LY6G5B: variants seen among roughly 807,000 people sequenced by gnomAD.
LY6G5B encodes lymphocyte antigen 6 complex locus protein G5b.
LY6G5B carries 6 observed loss-of-function variants against 6.7 expected under a neutral mutation model. That is an observed-to-expected ratio of 0.89 (90% CI 0.49 to 1.76). LY6G5B has a LOEUF of 1.76. LY6G5B is among the 40% of genes most tolerant of loss of function. The probability of loss-of-function intolerance (pLI) is 0.01; values close to 1 mark genes in which losing one functional copy is unlikely to be tolerated. For synonymous variants in LY6G5B, 98 were observed against 99.4 expected (o/e 0.99, Z 0.09); for missense variants, 240 against 249.5 (o/e 0.96, Z 0.26).
exon 1 of LY6G5B, chr6:31,670,699 C>A (rs1802145446): frequency 1.9e-6 from 1 of 523,536 alleles, no homozygotes; most frequent in Non-Finnish European, 3.4e-6. Context: ...GGTATTACCC[C>A]ATCTGGGCCA....
At chr6:31,670,801 C>G (rs1802152232) in exon 1 of LY6G5B, 2 of 768,670 alleles carry the variant, frequency 2.6e-6, no homozygotes, top group East Asian at 5.2e-5. Context: ...GGATCCTGCC[C>G]CAAGTAGGAA....
chr6:31,672,500 A>C, exon 3 of LY6G5B: 1 of 614,050 alleles, frequency 1.6e-6, no homozygotes, highest in Admixed American at 3.1e-5. Flanking sequence ...GGTGGAGTGC[A>C]GTGGCATGAT....
At chr6:31,672,878 T>G (rs1249711338) in exon 3 of LY6G5B, 1 of 154,894 alleles carries the variant, frequency 6.5e-6, no homozygotes, top group African/African-American at 2.4e-5. Context: ...CCCCCATCCC[T>G]CTCAATCCAG....
chr6:31,672,209 T>C (rs777019606), exon 3 of LY6G5B: 42 of 1,613,128 alleles, frequency 2.6e-5, no homozygotes, highest in Admixed American at 1.0e-4. Flanking sequence ...CTGCGCCGCA[T>C]GTACTTGTTC....
rs982164849 is a variant in LY6G5B at position 31,672,297 on chromosome 6, A to G, written c.*15A>G. ...ACCCTTCCTGAATTCCACAGTGCAA[A>G]TATCTTTCTGTAACACCCTCAGCAT... is the stretch of plus-strand genomic sequence containing the variant. On this transcript the variant is annotated 3_prime_UTR_variant, in exon 3 of 3. Coordinates refer to ENST00000375864, the Ensembl canonical transcript of LY6G5B. 3 of 1,602,928 alleles carry G rather than the reference A, an allele frequency of 1.9e-6. 1 individual carries two copies. The highest frequency in any genetic ancestry group is 2.2e-5 in the South Asian group (2 of 90,020).
At chr6:31,671,323 C>A in intron 2 of LY6G5B, 39 bp downstream of exon 2, 1 of 1,611,530 alleles carries the variant, frequency 6.2e-7, no homozygotes, top group Non-Finnish European at 8.5e-7. Context: ...GGTGGGGCAG[C>A]CAATGGCTTG....
At chr6:31,671,560 C>T (rs564429755) in intron 2 of LY6G5B, among the ~76,000 whole-genome samples, 2 of 151,920 alleles carry the variant, frequency 1.3e-5, no homozygotes, top group African/African-American at 2.4e-5. Context: ...CCCAGCTACT[C>T]GGGAGGCTGA....
chr6:31,671,331 T>C, intron 2 of LY6G5B, 47 bp downstream of exon 2: 1 of 1,610,810 alleles, frequency 6.2e-7, no homozygotes, highest in South Asian at 1.1e-5. Flanking sequence ...AGCCAATGGC[T>C]TGGTCTTCTC....
intron 2 of LY6G5B, 30 bp downstream of exon 2, chr6:31,671,314 G>T: frequency 6.2e-7 from 1 of 1,612,340 alleles, no homozygotes. Flanking sequence ...GGGGCTGCTG[G>T]TGGGGCAGCC....
At chr6:31,672,715 A>G (rs1418758509) in exon 3 of LY6G5B, 4 of 177,364 alleles carry the variant, frequency 2.3e-5, no homozygotes, top group Non-Finnish European at 3.6e-5. Flanking sequence ...AAGTGCCGGG[A>G]TTACAGGTGT....
Position 31,671,743 on chromosome 6 carries a change from T to C in LY6G5B, c.188-121T>C, listed in dbSNP as rs953759895. The C allele has an allele frequency of 3.3e-6, 4 of 1,229,558 alleles. No individual in the cohort carries two copies. The African/African-American group carries it at 6.0e-5, about 19-fold the overall frequency. The allele number at this position is 1,229,558 out of a possible 1,614,324, so 76.2% of individuals were successfully genotyped here. A position where few individuals can be genotyped will look rare whatever the true frequency, so the allele number is the denominator to read the frequency against. On this transcript the variant is annotated intron_variant, in intron 2 of 2. Coordinates refer to ENST00000375864, the Ensembl canonical transcript of LY6G5B. ...AGCAGAGCTCACTTTTCTAGCCTCT[T>C]GAAGGACTCTGGGTTAGAAGTAAAT...
In LY6G5B at chr6:31,671,232, GA is replaced by G. The variant is rs777505510; in HGVS notation, c.137del (p.Lys46SerfsTer12). 5.6e-6 allele frequency: 9 copies of G among 1,614,060 alleles called. No homozygotes were observed. Among genetic ancestry groups the G allele is most frequent in the Non-Finnish European group, 7.6e-6 (9 of 1,180,034 alleles). The stretch of plus-strand genomic sequence containing the variant: ...CTGTAGGATGCATTTCAGGCTCAGA[GA>G]AGTGTACCATCAGCAGCTCATCCCT... On this transcript the variant is annotated frameshift_variant, in exon 2 of 3. Transcript: ENST00000375864. LOFTEE classifies it high-confidence loss of function.
At chr6:31,672,883 A>G (rs1802333912) in exon 3 of LY6G5B, 2 of 154,108 alleles carry the variant, frequency 1.3e-5, no homozygotes, top group Non-Finnish European at 2.9e-5. Context: ...ATCCCTCTCA[A>G]TCCAGTCACC....
intron 2 of LY6G5B, 110 bp from the exon 3 acceptor site, chr6:31,671,754 G>A (rs1802235139): frequency 2.3e-6 from 3 of 1,327,902 alleles, no homozygotes; most frequent in Non-Finnish European, 3.1e-6. Flanking sequence ...GAAGGACTCT[G>A]GGTTAGAAGT....
chr6:31,670,240 G>C (rs1199460329), exon 1 of LY6G5B: 1 of 363,002 alleles, frequency 2.8e-6, no homozygotes, highest in Non-Finnish European at 4.9e-6. Context: ...CTAGGACTGC[G>C]TGTGATGAAA....
exon 1 of LY6G5B, chr6:31,670,327 T>C (rs919334682): frequency 9.8e-6 from 2 of 203,408 alleles, no homozygotes; most frequent in Non-Finnish European, 2.0e-5. Flanking sequence ...ACTGTCTGTT[T>C]ATACTGTAAG....
Position 31,672,086 on chromosome 6 carries a change from A to G in LY6G5B, c.410A>G (p.Tyr137Cys), listed in dbSNP as rs982112333. ...TCTGACTCCCAGATTCAGTGGTTCT[A>G]CCAGGCCCTGAACCTCTCCCTGCCC... Residue 137 changes from tyrosine (Y) to cysteine (C), a missense_variant, in exon 3 of 3, where the codon TAC becomes TGC. Physicochemically the swap from Tyr to Cys is radical, Grantham distance 194 (BLOSUM62 -2). Transcript: ENST00000375864. 3.1e-6 allele frequency: 5 copies of G among 1,612,854 alleles called. No homozygotes were observed. In the South Asian group the frequency reaches 3.3e-5, roughly 11 times the overall value.
chr6:31,671,805 G>A, intron 2 of LY6G5B, 59 bp from the exon 3 acceptor site: 4 of 1,538,160 alleles, frequency 2.6e-6, no homozygotes, highest in Non-Finnish European at 3.5e-6. Context: ...TCAGTAGCAG[G>A]GGTTCTTGGA....
exon 3 of LY6G5B, chr6:31,673,104 A>G (rs1448713465): frequency 1.3e-5 from 2 of 152,050 alleles, no homozygotes; most frequent in Non-Finnish European, 2.9e-5. Flanking sequence ...GCTCTCTATT[A>G]AAAATAGAAA....
Sources: gnomAD v4.1 joint callset for allele counts (sites outside exome capture counted in the v4.1 genomes callset) on GRCh38, gnomAD v4.1.1 for gene constraint, MANE v1.5 for transcripts, NCBI Gene and HGNC (gene_info 2026-07-23, HGNC 2026-07-21) for gene names.